The following SDK1 variants were observed in gnomAD, a reference collection of about 807,000 sequenced individuals.
The protein encoded by SDK1 is protein sidekick-1.
A neutral mutation model predicts 245.5 loss-of-function variants in SDK1; 157 were observed. That is an observed-to-expected ratio of 0.64 (90% CI 0.56 to 0.73). SDK1 has a LOEUF of 0.73. Ranked by LOEUF, SDK1 falls within the 30% of genes least tolerant of loss-of-function variation. The probability of loss-of-function intolerance (pLI) is 0.00; values close to 1 mark genes in which losing one functional copy is unlikely to be tolerated. For missense variants in SDK1, 3,583 were observed against 3,002.3 expected, an observed-to-expected ratio of 1.19 and a Z score of -4.52; for synonymous variants, 1,647 against 1,278.5, an observed-to-expected ratio of 1.29 and a Z score of -6.15.
chr7:3,726,190 C>G (rs555504524), intron 4 of SDK1, among the ~76,000 whole-genome samples: 1 of 152,246 alleles, frequency 6.6e-6, no homozygotes, highest in African/African-American at 2.4e-5. Flanking sequence ...GTAGCGGAAC[C>G]CAATTCATAA....
chr7:3,351,496 TAA>T (rs1780659102), intron 1 of SDK1, among the ~76,000 whole-genome samples: 1 of 152,128 alleles, frequency 6.6e-6, no homozygotes, highest in Non-Finnish European at 1.5e-5. Flanking sequence ...AGGATTCTGC[TAA>T]AAGACACGTC....
At chr7:3,950,321 C>T (rs1221835342) in intron 5 of SDK1, among the ~76,000 whole-genome samples, 6 of 152,234 alleles carry the variant, frequency 3.9e-5, no homozygotes, top group South Asian at 2.1e-4. Flanking sequence ...TTCCTATTAG[C>T]GTGACTCTGA....
intron 1 of SDK1, among the ~76,000 whole-genome samples, chr7:3,531,216 A>C (rs983190304): frequency 1.3e-5 from 2 of 152,196 alleles, no homozygotes; most frequent in African/African-American, 4.8e-5. Flanking sequence ...TGATAAGTTC[A>C]CGTTTTTACT....
chr7:4,102,053 T>G (rs1425145271), intron 22 of SDK1, among the ~76,000 whole-genome samples: 2 of 151,780 alleles, frequency 1.3e-5, no homozygotes, highest in African/African-American at 4.8e-5. Context: ...AAGACAGAAG[T>G]CCCCAGGGAA....
intron 1 of SDK1, among the ~76,000 whole-genome samples, chr7:3,561,316 A>T (rs1304935053): frequency 6.6e-6 from 1 of 152,232 alleles, no homozygotes; most frequent in African/African-American, 2.4e-5. Context: ...ACTTTTTGAC[A>T]AAAACACATC....
At chr7:3,611,651 T>C (rs1208931284) in intron 1 of SDK1, among the ~76,000 whole-genome samples, 3 of 152,170 alleles carry the variant, frequency 2.0e-5, no homozygotes. Context: ...CGTGCTAGTT[T>C]ACATTCCTAG....
At chr7:4,143,873 C>T (rs558793980) in intron 28 of SDK1, among the ~76,000 whole-genome samples, 1 of 152,274 alleles carries the variant, frequency 6.6e-6, no homozygotes, top group East Asian at 1.9e-4. Context: ...GACAGGCCTG[C>T]GGCGAGGGTC....
At chr7:3,602,955 T>A (rs1364958719) in intron 1 of SDK1, among the ~76,000 whole-genome samples, 2 of 152,188 alleles carry the variant, frequency 1.3e-5, no homozygotes, top group African/African-American at 4.8e-5. Context: ...CATTGCTTGT[T>A]TTTCTCAGGT....
rs564802944 is a variant in SDK1 at position 3,866,996 on chromosome 7, G to A, written c.847+45413G>A. 2.8e-4 allele frequency among the ~76,000 whole-genome samples: 42 copies of A among 152,266 alleles called. 1 individual carries two copies. Among genetic ancestry groups the A allele is most frequent in the African/African-American group, 1.0e-3 (42 of 41,560 alleles). ...AGCTCTGCCATCCTCTGTCCTTCTG[G>A]CAGGTTAACAACAAAGTGGCTCACA... is the stretch of plus-strand genomic sequence containing the variant. On this transcript the variant is annotated intron_variant, in intron 5 of 44. Transcript: ENST00000404826.
chr7:3,399,002 C>T (rs1034185500), intron 1 of SDK1, among the ~76,000 whole-genome samples: 1 of 152,070 alleles, frequency 6.6e-6, no homozygotes, highest in African/African-American at 2.4e-5. Context: ...GAGAGTGGGA[C>T]TTCCGAGCTC....
chr7:3,769,739 G>A (rs746594615), intron 4 of SDK1, among the ~76,000 whole-genome samples: 1 of 152,004 alleles, frequency 6.6e-6, no homozygotes, highest in East Asian at 1.9e-4. Context: ...TTCTATGGTA[G>A]GTTAGGGGTT....
chr7:3,528,754 G>T (rs1433705932), intron 1 of SDK1, among the ~76,000 whole-genome samples: 3 of 152,070 alleles, frequency 2.0e-5, no homozygotes, highest in Non-Finnish European at 4.4e-5. Flanking sequence ...ATGAGGGAAA[G>T]AGGTGAACCT....
rs1316750736 is a variant in SDK1 at position 4,267,214 on chromosome 7, T to G, written c.*1830T>G. On this transcript the variant is annotated 3_prime_UTR_variant, in exon 45 of 45. Coordinates refer to ENST00000404826, the MANE Select transcript of SDK1 (RefSeq NM_152744.4). ...CCTCCTTCCTTTCCTTTACCCCTCCTTTCCTTCCTTCCTCCCTTCCTCTCT... is the reference window on the plus strand; with the variant it reads ...CCTCCTTCCTTTCCTTTACCCCTCCGTTCCTTCCTTCCTCCCTTCCTCTCT... 1 of 906,320 alleles carries G rather than the reference T, an allele frequency of 1.1e-6. No individual in the cohort carries two copies. Among genetic ancestry groups the G allele is most frequent in the Non-Finnish European group, 1.3e-6 (1 of 758,630 alleles). 56.1% of individuals were successfully genotyped at this position (906,320 alleles called of 1,614,324 possible). A position where few individuals can be genotyped will look rare whatever the true frequency, so the allele number is the denominator to read the frequency against.
chr7:3,901,021 A>G (rs1757807677), intron 5 of SDK1, among the ~76,000 whole-genome samples: 2 of 152,104 alleles, frequency 1.3e-5, no homozygotes, highest in South Asian at 4.1e-4. Flanking sequence ...TGTCTTTAGT[A>G]AAAACATCTC....
intron 38 of SDK1, among the ~76,000 whole-genome samples, chr7:4,217,655 T>C (rs1204305191): frequency 6.6e-5 from 10 of 150,910 alleles, no homozygotes; most frequent in South Asian, 2.1e-4. Context: ...ACCAGGCCAC[T>C]TGAGCACTCA....
chr7:4,182,111 G>A (rs941742805), intron 35 of SDK1, among the ~76,000 whole-genome samples: 3 of 152,134 alleles, frequency 2.0e-5, no homozygotes, highest in African/African-American at 7.2e-5. Flanking sequence ...AGTAGAGACG[G>A]GGTTTCACCG....
At chr7:4,209,304 A>C (rs541292344) in intron 37 of SDK1, among the ~76,000 whole-genome samples, 28 of 152,258 alleles carry the variant, frequency 1.8e-4, no homozygotes, top group African/African-American at 6.3e-4. Context: ...GGTGGGTGCC[A>C]CTTCACAGGC....
At chr7:3,535,369 C>A (rs561858223) in intron 1 of SDK1, among the ~76,000 whole-genome samples, 10 of 152,284 alleles carry the variant, frequency 6.6e-5, no homozygotes, top group Non-Finnish European at 1.2e-4. Flanking sequence ...ATTCTAATTA[C>A]ATGCATTAAT....
intron 5 of SDK1, among the ~76,000 whole-genome samples, chr7:3,886,427 A>C (rs1282564196): frequency 6.6e-6 from 1 of 152,256 alleles, no homozygotes; most frequent in African/African-American, 2.4e-5. Context: ...TTTACTTTAC[A>C]GATAATGAAG....
Sources: allele counts gnomAD v4.1 joint callset (sites outside exome capture counted in the v4.1 genomes callset), GRCh38; gene constraint gnomAD v4.1.1; transcripts MANE v1.5; gene names NCBI Gene and HGNC (gene_info 2026-07-23, HGNC 2026-07-21).